Variants in WWOX observed in about 807,000 individuals in gnomAD.
WWOX encodes the protein WW domain-containing oxidoreductase.
WWOX carries 69 observed loss-of-function variants against 46.2 expected under a neutral mutation model. That is an observed-to-expected ratio of 1.49 (90% CI 1.23 to 1.82). WWOX has a LOEUF of 1.82. Ranked by LOEUF, WWOX falls within the 40% of genes most tolerant of loss-of-function variation. The pLI is 0.00. For synonymous variants in WWOX, 359 were observed against 202.6 expected, an observed-to-expected ratio of 1.77 and a Z score of -6.56; for missense variants, 919 against 542.6, an observed-to-expected ratio of 1.69 and a Z score of -6.89.
chr16:79,171,103 G>A (rs1288484747), intron 8 of WWOX, among the ~76,000 whole-genome samples: 3 of 152,168 alleles, frequency 2.0e-5, no homozygotes, highest in Non-Finnish European at 4.4e-5. Flanking sequence ...CCAGTGCTAG[G>A]CACGTGAGAG....
chr16:78,854,494 C>T (rs1426578818), intron 8 of WWOX, among the ~76,000 whole-genome samples: 2 of 152,182 alleles, frequency 1.3e-5, no homozygotes, highest in Admixed American at 6.5e-5. Flanking sequence ...TTACTTCTGC[C>T]TATGCATCCC....
chr16:78,126,858 A>G (rs1276043590), intron 4 of WWOX, among the ~76,000 whole-genome samples: 2 of 152,212 alleles, frequency 1.3e-5, no homozygotes, highest in African/African-American at 4.8e-5. Flanking sequence ...AGTAGGCAAG[A>G]TTTGATTACT....
At chr16:78,482,241 T>A (rs1597146688) in intron 8 of WWOX, among the ~76,000 whole-genome samples, 1 of 152,134 alleles carries the variant, frequency 6.6e-6, no homozygotes, top group Non-Finnish European at 1.5e-5. Flanking sequence ...CATAATTTTT[T>A]TTATTATTTT....
chr16:78,869,549 A>T (rs773010129), intron 8 of WWOX, among the ~76,000 whole-genome samples: 16 of 152,234 alleles, frequency 1.1e-4, no homozygotes, highest in Non-Finnish European at 2.1e-4. Flanking sequence ...AGTCTGGTCA[A>T]TTGAAACAGC....
intron 8 of WWOX, among the ~76,000 whole-genome samples, chr16:78,853,606 G>C (rs755700372): frequency 6.6e-6 from 1 of 152,064 alleles, no homozygotes; most frequent in African/African-American, 2.4e-5. Context: ...TCTCATCAAG[G>C]ATTTTATCTG....
chr16:78,968,142 ACAGCGCGTGGTCCGCG>A (rs2046399896), intron 8 of WWOX, among the ~76,000 whole-genome samples: 18 of 150,708 alleles, frequency 1.2e-4, no homozygotes, highest in Admixed American at 8.6e-4. Context: ...TCCGTGTGGC[ACAGCGCGTGGTCCGCG>A]TGGCACAGCG....
chr16:78,387,453 T>G (rs938311425), intron 6 of WWOX, among the ~76,000 whole-genome samples: 1 of 151,988 alleles, frequency 6.6e-6, no homozygotes, highest in Non-Finnish European at 1.5e-5. Context: ...TATTTATTTT[T>G]TTTCATCCTT....
intron 8 of WWOX, among the ~76,000 whole-genome samples, chr16:78,981,403 C>T (rs2046679126): frequency 6.6e-6 from 1 of 151,462 alleles, no homozygotes; most frequent in Admixed American, 6.6e-5. Flanking sequence ...GTCCATGCAG[C>T]ACGTATCACA....
intron 5 of WWOX, among the ~76,000 whole-genome samples, chr16:78,358,669 A>AT (rs2081347024): frequency 2.5e-5 from 1 of 39,624 alleles, no homozygotes; most frequent in South Asian, 6.0e-4. Context: ...AAAAATAAAT[A>AT]ATATGTGTGT....
In WWOX at chr16:78,732,615, A is replaced by G. The variant is rs550499344; in HGVS notation, c.1056+299863A>G. Reference sequence around the variant, plus strand: ...TGGTAACTGGGCTATGCTCTAATCAATAATCTTAGCTAAGATTTATCAGAA... The same window carrying G: ...TGGTAACTGGGCTATGCTCTAATCAGTAATCTTAGCTAAGATTTATCAGAA... On this transcript the variant is annotated intron_variant, in intron 8 of 8. Coordinates refer to ENST00000566780, the MANE Select transcript of WWOX (RefSeq NM_016373.4). 5.9e-5 allele frequency among the ~76,000 whole-genome samples: 9 copies of G among 152,296 alleles called. No homozygotes were observed. In the East Asian group the frequency reaches 1.5e-3, roughly 26 times the overall value.
At chr16:78,170,584 C>G (rs1054434351) in intron 5 of WWOX, among the ~76,000 whole-genome samples, 5 of 152,134 alleles carry the variant, frequency 3.3e-5, no homozygotes, top group Non-Finnish European at 5.9e-5. Context: ...CTTTTTCTGT[C>G]TTCATATGTC....
chr16:79,054,236 TA>T (rs1203374642), intron 8 of WWOX, among the ~76,000 whole-genome samples: 2 of 152,234 alleles, frequency 1.3e-5, no homozygotes, highest in Non-Finnish European at 1.5e-5. Context: ...TCAGAGATAA[TA>T]AAAGGATTCA....
chr16:78,115,144 T>A lies in WWOX; in HGVS notation c.399T>A (p.Asn133Lys). Reference protein sequence around the residue: ...TGKVVVVTGANSGIGFETAKS... With the variant: ...TGKVVVVTGAKSGIGFETAKS... ...AAGTGGTTGTGGTCACTGGAGCTAA[T>A]TCAGGAATAGGTAGGCTCTTCACTT... Residue 133 changes from asparagine (N) to lysine (K), a missense_variant, in exon 4 of 9, where the codon AAT becomes AAA. By Grantham distance (94) the Asn-to-Lys change is moderately conservative. Coordinates refer to ENST00000566780, the MANE Select transcript of WWOX (RefSeq NM_016373.4). The A allele has an allele frequency of 6.2e-7, 1 of 1,614,222 alleles. No individual in the cohort carries two copies. Among genetic ancestry groups the A allele is most frequent in the Non-Finnish European group, 8.5e-7 (1 of 1,180,028 alleles).
intron 8 of WWOX, among the ~76,000 whole-genome samples, chr16:79,172,838 C>T (rs2050726714): frequency 6.8e-6 from 1 of 147,526 alleles, no homozygotes; most frequent in Admixed American, 6.8e-5. Context: ...CCAGTCAGGG[C>T]AATATAGACT....
At chr16:78,574,114 C>T (rs191829355) in intron 8 of WWOX, among the ~76,000 whole-genome samples, 145 of 152,302 alleles carry the variant, frequency 9.5e-4, no homozygotes, top group Middle Eastern at 3.4e-3. Context: ...GGAGGTACCC[C>T]TCAGCTCCTA....
At chr16:78,112,658 T>C (rs2032559185) in intron 3 of WWOX, among the ~76,000 whole-genome samples, 1 of 151,462 alleles carries the variant, frequency 6.6e-6, no homozygotes. Context: ...TGGTTGTATG[T>C]TGAAAATGTT....
At chr16:78,544,921 A>T (rs2151533185) in intron 8 of WWOX, among the ~76,000 whole-genome samples, 1 of 151,658 alleles carries the variant, frequency 6.6e-6, no homozygotes, top group East Asian at 2.0e-4. Context: ...TCCTGCCTAT[A>T]ATCCTAGCCC....
At chr16:78,712,852 A>G (rs1247495106) in intron 8 of WWOX, among the ~76,000 whole-genome samples, 1 of 152,166 alleles carries the variant, frequency 6.6e-6, no homozygotes. Flanking sequence ...ATGTTAAATT[A>G]TTGTTGGCCG....
rs545906211 is a variant in WWOX at position 79,003,897 on chromosome 16, G to C, written c.1057-207711G>C. On this transcript the variant is annotated intron_variant, in intron 8 of 8. Transcript: ENST00000566780. ...GGACACAGACTCCACCTCTCGATGA[G>C]AGGAGAAGCGAATTGATGGGCAGAT... Among the ~76,000 whole-genome samples, 146 of 152,292 alleles carry C rather than the reference G, an allele frequency of 9.6e-4. 2 individuals are homozygous for C. The highest frequency in any genetic ancestry group is 1.7e-3 in the Non-Finnish European group (118 of 68,028).
Sources: allele counts gnomAD v4.1 joint callset (sites outside exome capture counted in the v4.1 genomes callset), GRCh38; gene constraint gnomAD v4.1.1; transcripts MANE v1.5; gene names NCBI Gene and HGNC (gene_info 2026-07-23, HGNC 2026-07-21).